The following HSD17B4 variants were observed in gnomAD, a reference collection of about 807,000 sequenced individuals.
HSD17B4 encodes hydroxysteroid 17-beta dehydrogenase 4, also known as peroxisomal multifunctional enzyme type 2.
Under a neutral mutation model 101.0 loss-of-function variants are expected in HSD17B4, and 70 were observed. The observed-to-expected ratio is 0.69, with a 90% CI of 0.57 to 0.85. The LOEUF is 0.85. Ranked by LOEUF, HSD17B4 falls within the 40% of genes least tolerant of loss-of-function variation. The pLI, the probability that HSD17B4 is intolerant of heterozygous loss-of-function variation, is 0.00. For synonymous variants in HSD17B4, 347 were observed against 297.1 expected (o/e 1.17, Z -1.73); for missense variants, 984 against 892.4 (o/e 1.10, Z -1.31).
chr5:119,500,224 G>A (rs781326506), intron 13 of HSD17B4, among the ~76,000 whole-genome samples: 10 of 151,926 alleles, frequency 6.6e-5, no homozygotes, highest in Non-Finnish European at 1.3e-4. Context: ...AGTAATCCAA[G>A]TAAAAGTGCT....
At chr5:119,503,238 T>C (rs1270219546) in intron 14 of HSD17B4, among the ~76,000 whole-genome samples, 1 of 151,938 alleles carries the variant, frequency 6.6e-6, no homozygotes, top group African/African-American at 2.4e-5. Flanking sequence ...ATAAGGGAAG[T>C]AGAAATGTGC....
At chr5:119,482,135 A>G (rs1043664371) in intron 8 of HSD17B4, among the ~76,000 whole-genome samples, 1 of 151,956 alleles carries the variant, frequency 6.6e-6, no homozygotes, top group African/African-American at 2.4e-5. Context: ...TTCTCATTGT[A>G]TGCATGTTAC....
chr5:119,484,659 C>G (rs1561450434), intron 8 of HSD17B4, among the ~76,000 whole-genome samples: 1 of 152,092 alleles, frequency 6.6e-6, no homozygotes, highest in Non-Finnish European at 1.5e-5. Flanking sequence ...TTAAAATAAG[C>G]TACTCCATGG....
At chr5:119,536,591 T>G in intron 23 of HSD17B4, 41 bp downstream of exon 23, 1 of 1,602,750 alleles carries the variant, frequency 6.2e-7, no homozygotes, top group Non-Finnish European at 8.5e-7. Context: ...GTTTTATTGT[T>G]TCCTCTTTTG....
At chr5:119,523,259 A>G (rs11241507) in intron 17 of HSD17B4, among the ~76,000 whole-genome samples, 42,601 of 152,062 alleles carry the variant, frequency 0.28, 7,236 homozygotes, top group East Asian at 0.4. Flanking sequence ...GTTTACCTGT[A>G]TGCAGATTAT....
intron 17 of HSD17B4, among the ~76,000 whole-genome samples, chr5:119,516,882 A>T (rs1284355124): frequency 6.6e-6 from 1 of 152,246 alleles, no homozygotes; most frequent in African/African-American, 2.4e-5. Flanking sequence ...TGTAACAGAC[A>T]GTCAGAGAAG....
At chr5:119,525,371 T>C (rs1413913071) in intron 18 of HSD17B4, 86 bp downstream of exon 18, 5 of 836,628 alleles carry the variant, frequency 6.0e-6, no homozygotes. Flanking sequence ...TACTTATGAC[T>C]GGTAGTTTGA....
intron 21 of HSD17B4, among the ~76,000 whole-genome samples, chr5:119,530,463 G>C (rs10042168): frequency 0.068 from 10,299 of 151,832 alleles, 939 homozygotes; most frequent in East Asian, 0.42. Flanking sequence ...TATTAACTTT[G>C]TAATGTTGAG....
rs1461984591 is a variant in HSD17B4 at position 119,489,175 on chromosome 5, T to C, written c.623-17T>C. The C allele has an allele frequency of 1.4e-6, 2 of 1,472,892 alleles. No individual in the cohort carries two copies. The highest frequency in any genetic ancestry group is 1.9e-6 in the Non-Finnish European group (2 of 1,051,554). 91.2% of individuals were successfully genotyped at this position (1,472,892 alleles called of 1,614,324 possible). Reference sequence around the variant, plus strand: ...AGTAAAATGATTGATAAGATATGTGTATATTCTTTATTTCAGATCTTGTGG... The same window carrying C: ...AGTAAAATGATTGATAAGATATGTGCATATTCTTTATTTCAGATCTTGTGG... On this transcript the variant is annotated splice_polypyrimidine_tract_variant and intron_variant, in intron 8 of 23. Transcript: ENST00000510025.
chr5:119,540,604 C>T (rs1383560788), intron 23 of HSD17B4, among the ~76,000 whole-genome samples: 1 of 152,132 alleles, frequency 6.6e-6, no homozygotes, highest in Non-Finnish European at 1.5e-5. Flanking sequence ...TTTTTTGTAA[C>T]TGCATAGTGA....
intron 9 of HSD17B4, among the ~76,000 whole-genome samples, chr5:119,489,647 C>T (rs1283938878): frequency 2.6e-5 from 4 of 152,074 alleles, no homozygotes; most frequent in African/African-American, 4.8e-5. Context: ...ATTTGACCTT[C>T]GTGAGCTTTA....
intron 2 of HSD17B4, chr5:119,456,604 A>G (rs1300417805): frequency 1.9e-6 from 1 of 516,318 alleles, no homozygotes; most frequent in Non-Finnish European, 3.5e-6. Flanking sequence ...GCTAGGGGGT[A>G]GGCATGCTGG....
intron 18 of HSD17B4, chr5:119,525,708 G>GTTTTTTTT: frequency 3.5e-6 from 2 of 564,876 alleles, no homozygotes; most frequent in Non-Finnish European, 6.2e-6. Flanking sequence ...TTCTTTTCCT[G>GTTTTTTTT]TTTTGTTTTT....
At chr5:119,505,822 A>G (rs1751594261) in intron 14 of HSD17B4, among the ~76,000 whole-genome samples, 2 of 152,074 alleles carry the variant, frequency 1.3e-5, no homozygotes, top group African/African-American at 4.8e-5. Context: ...GAATGGGGTA[A>G]ACAGTATTGG....
intron 8 of HSD17B4, among the ~76,000 whole-genome samples, chr5:119,481,808 A>G (rs1749161946): frequency 6.6e-6 from 1 of 152,180 alleles, no homozygotes; most frequent in Non-Finnish European, 1.5e-5. Flanking sequence ...GAATATAATA[A>G]AATGAGATAT....
chr5:119,506,959 C>T, intron 15 of HSD17B4, 70 bp downstream of exon 15: 1 of 769,398 alleles, frequency 1.3e-6, no homozygotes, highest in East Asian at 2.7e-5. Context: ...TAATACTTCA[C>T]CATAGAAGTT....
In HSD17B4 at chr5:119,499,495, A is replaced by T; in HGVS notation, c.1151A>T (p.Lys384Ile). Residue 384 changes from lysine to isoleucine, a missense_variant, in exon 13 of 24, where the codon AAA becomes ATA. By Grantham distance (102) the Lys-to-Ile change is moderately radical. Transcript: ENST00000510025. ...ACCTTCGGAGTTATCATAGGTCAGA[A>T]ATCTATGATGGGTGGAGGATTAGCA... ...LPTFGVIIGQ[K>I]SMMGGGLAEI... The T allele has an allele frequency of 6.2e-7, 1 of 1,613,760 alleles. No homozygotes were observed. Among genetic ancestry groups the T allele is most frequent in the African/African-American group, 1.3e-5 (1 of 75,018 alleles).
At chr5:119,523,900 G>C (rs914889087) in intron 17 of HSD17B4, among the ~76,000 whole-genome samples, 29 of 152,220 alleles carry the variant, frequency 1.9e-4, no homozygotes, top group African/African-American at 6.5e-4. Flanking sequence ...ATTAATGGTA[G>C]AGCTGGCTTT....
At chr5:119,458,527 T>TTA (rs1754902453) in intron 2 of HSD17B4, among the ~76,000 whole-genome samples, 1 of 147,072 alleles carries the variant, frequency 6.8e-6, no homozygotes, top group Admixed American at 6.7e-5. Flanking sequence ...TTTTTTTTTT[T>TTA]AAGTAAAGAT....
Sources: allele counts gnomAD v4.1 joint callset (sites outside exome capture counted in the v4.1 genomes callset), GRCh38; gene constraint gnomAD v4.1.1; transcripts MANE v1.5; gene names NCBI Gene and HGNC (gene_info 2026-07-23, HGNC 2026-07-21).